The following SPAG11B variants were observed in gnomAD, a reference collection of about 807,000 sequenced individuals.
SPAG11B encodes the protein sperm associated antigen 11B, also known as sperm-associated antigen 11B.
SPAG11B carries 5 observed loss-of-function variants against 8.9 expected under a neutral mutation model. That is an observed-to-expected ratio of 0.56 (90% confidence interval 0.29 to 1.19). The LOEUF (loss-of-function observed/expected upper bound fraction) is 1.19, where lower values mean the gene tolerates loss of function less well. Ranked by LOEUF, SPAG11B falls within the 50% of genes most tolerant of loss-of-function variation. The pLI is 0.08. For missense variants in SPAG11B, 38 were observed against 146.4 expected (o/e 0.26, Z 3.82); for synonymous variants, 12 against 53.0 (o/e 0.23, Z 3.36).
At chr8:7,451,228 A>T (rs368961662) in intron 2 of SPAG11B, 1 of 1,487,694 alleles carries the variant, frequency 6.7e-7, no homozygotes, top group Non-Finnish European at 9.2e-7. Context: ...AGTTTTGGAA[A>T]ACAGAAGTGG....
rs1258142929 is a variant in SPAG11B, at chr8:7,459,566, C to T, written c.214+3141G>A. On this transcript the variant is annotated intron_variant, in intron 2 of 2. Coordinates refer to ENST00000398462, the MANE Select transcript of SPAG11B (RefSeq NM_058201.4). The stretch of plus-strand genomic sequence containing the variant: ...CACAATCCCTATCCCAGACATAACA[C>T]CTTACAATTAATTGGTAAGGAAGTC... Among the ~76,000 whole-genome samples, 7 of 149,016 alleles carry T rather than the reference C, an allele frequency of 4.7e-5. 1 individual carries two copies. The Admixed American group carries it at 4.7e-4, about 10-fold the overall frequency.
At position 7,450,856 on chromosome 8, in the gene SPAG11B, G is replaced by T; in HGVS notation, c.259C>A (p.Gln87Lys). The T allele has an allele frequency of 6.4e-7, 1 of 1,556,362 alleles. No homozygotes were observed. Among genetic ancestry groups the T allele is most frequent in the Non-Finnish European group, 8.7e-7 (1 of 1,142,900 alleles). The change falls in exon 3 of 3, where the codon CAA becomes AAA. Residue 87 changes from glutamine (Q) to lysine (K), a missense_variant. Coordinates refer to ENST00000398462, the MANE Select transcript of SPAG11B (RefSeq NM_058201.4). ...GIRNTICHMQ[Q>K]GICRLFFCHS... The stretch of plus-strand genomic sequence containing the variant: ...CAGAAAAAAAGTCTGCAGATCCCTT[G>T]CTGCATATGGCAGATGGTATTTCTA...
intron 2 of SPAG11B, among the ~76,000 whole-genome samples, chr8:7,452,924 C>T (rs1438043907): frequency 4.2e-4 from 60 of 144,416 alleles, no homozygotes; most frequent in Middle Eastern, 3.7e-3. Context: ...TGTACAACAA[C>T]GTGGATGAAC....
downstream of SPAG11B, among the ~76,000 whole-genome samples, chr8:7,449,478 C>T (rs1435408122): frequency 2.0e-5 from 3 of 149,690 alleles, no homozygotes; most frequent in Non-Finnish European, 3.0e-5. Context: ...CAATGCCCTT[C>T]AGGAAGTCAT....
At chr8:7,453,259 T>A (rs1810292728) in intron 2 of SPAG11B, among the ~76,000 whole-genome samples, 1 of 143,620 alleles carries the variant, frequency 7.0e-6, no homozygotes, top group Non-Finnish European at 1.5e-5. Flanking sequence ...ATGTGTGGTA[T>A]TAAAACACAC....
chr8:7,448,944 G>A (rs1809968122), downstream of SPAG11B, among the ~76,000 whole-genome samples: 1 of 143,050 alleles, frequency 7.0e-6, no homozygotes, highest in Admixed American at 7.1e-5. Context: ...ACATAAGAGG[G>A]AGATGACATT....
chr8:7,459,262 A>T (rs1303487673), intron 2 of SPAG11B, among the ~76,000 whole-genome samples: 4 of 80,274 alleles, frequency 5.0e-5, no homozygotes, highest in African/African-American at 2.0e-4. Context: ...ACCCAGTAAA[A>T]CTATTAAATT....
At chr8:7,453,015 A>G (rs1194128580) in intron 2 of SPAG11B, among the ~76,000 whole-genome samples, 1 of 146,552 alleles carries the variant, frequency 6.8e-6, no homozygotes, top group Non-Finnish European at 1.5e-5. Context: ...AAATTCACCT[A>G]TTTATGAAGA....
At chr8:7,451,209 A>C (rs1453884306) in intron 2 of SPAG11B, 1 of 1,541,416 alleles carries the variant, frequency 6.5e-7, no homozygotes, top group Non-Finnish European at 8.9e-7. Flanking sequence ...ACTAGAAGGA[A>C]ACAAAGGGAG....
chr8:7,453,065 T>C (rs1435773341), intron 2 of SPAG11B, among the ~76,000 whole-genome samples: 1 of 144,716 alleles, frequency 6.9e-6, no homozygotes, highest in Non-Finnish European at 1.5e-5. Context: ...GGACATGCTC[T>C]TCTCTCATTT....
At chr8:7,457,891 G>GTAAA (rs1423934602) in intron 2 of SPAG11B, among the ~76,000 whole-genome samples, 3 of 151,986 alleles carry the variant, frequency 2.0e-5, no homozygotes, top group Non-Finnish European at 4.4e-5. Context: ...GTGGCATTCT[G>GTAAA]TAAAGGGCTC....
chr8:7,451,013 G>C, intron 2 of SPAG11B, 113 bp from the exon 3 acceptor site: 1 of 1,516,078 alleles, frequency 6.6e-7, no homozygotes, highest in Non-Finnish European at 8.9e-7. Context: ...AGTACTTTTG[G>C]ACAAGCCCCA....
At chr8:7,452,352 G>GTA (rs1292812147) in intron 2 of SPAG11B, 1 of 74,374 alleles carries the variant, frequency 1.3e-5, no homozygotes. Flanking sequence ...CTCCCGTGAA[G>GTA]GAGCACAAAT....
chr8:7,448,977 G>A (rs1400692588), downstream of SPAG11B, among the ~76,000 whole-genome samples: 3 of 139,534 alleles, frequency 2.2e-5, no homozygotes, highest in Non-Finnish European at 3.1e-5. Context: ...GATCAGCCCA[G>A]GCCCAGGGTC....
downstream of SPAG11B, among the ~76,000 whole-genome samples, chr8:7,450,104 T>C (rs1302763135): frequency 7.9e-6 from 1 of 126,410 alleles, no homozygotes; most frequent in African/African-American, 3.2e-5. Context: ...CATTTATGAA[T>C]TGCTAGCCTG....
rs763543367 is a variant in SPAG11B at position 7,450,832 on chromosome 8, AG to A, written c.282del (p.Cys95AlafsTer42). 84 of 1,605,654 alleles carry A rather than the reference AG, an allele frequency of 5.2e-5. No homozygotes were observed. The highest frequency in any genetic ancestry group is 6.8e-5 in the Non-Finnish European group (80 of 1,176,820). On this transcript the variant is annotated frameshift_variant, in exon 3 of 3. Coordinates refer to ENST00000398462, the MANE Select transcript of SPAG11B (RefSeq NM_058201.4). LOFTEE classifies it high-confidence loss of function. Reference protein sequence around the residue: ...HMQQGICRLFFCHSGEKKRDI... With the variant: ...HMQQGICRLFXCHSGEKKRDI... The stretch of plus-strand genomic sequence containing the variant: ...TCACGCTTTTTCTCACCAGAATGGC[AG>A]AAAAAAAGTCTGCAGATCCCTTGCT...
chr8:7,451,479 G>A (rs1159945012), intron 2 of SPAG11B, among the ~76,000 whole-genome samples: 4 of 108,896 alleles, frequency 3.7e-5, no homozygotes, highest in African/African-American at 1.0e-4. Context: ...CAAATGCTAC[G>A]TACGATGACT....
At chr8:7,453,933 A>G (rs1810347595) in intron 2 of SPAG11B, among the ~76,000 whole-genome samples, 1 of 149,026 alleles carries the variant, frequency 6.7e-6, no homozygotes, top group African/African-American at 2.5e-5. Context: ...GAAAAAAAAA[A>G]GTTACCTTAA....
At position 7,450,981 on chromosome 8, in the gene SPAG11B, G is replaced by C; in HGVS notation, c.215-81C>G. The C allele has an allele frequency of 1.3e-6, 2 of 1,527,524 alleles. 1 individual carries two copies. Among genetic ancestry groups the C allele is most frequent in the Admixed American group, 4.0e-5 (2 of 50,262 alleles). The allele number at this position is 1,527,524 out of a possible 1,614,324, so 94.6% of individuals were successfully genotyped here. ...AGATGACCCCAGCCCGCTGCCAAGGGTTATATATTCTGACAAGGCTAAGTA... is the reference window on the plus strand; with the variant it reads ...AGATGACCCCAGCCCGCTGCCAAGGCTTATATATTCTGACAAGGCTAAGTA... On this transcript the variant is annotated intron_variant, in intron 2 of 2. Transcript: ENST00000398462.
Sources: allele counts gnomAD v4.1 joint callset (sites outside exome capture counted in the v4.1 genomes callset), GRCh38; gene constraint gnomAD v4.1.1; transcripts MANE v1.5; gene names NCBI Gene and HGNC (gene_info 2026-07-23, HGNC 2026-07-21).